The following TNC variants were observed in gnomAD, a reference collection of about 807,000 sequenced individuals.
TNC encodes the protein tenascin C.
In TNC, 109 loss-of-function variants were observed where a neutral mutation model predicts 202.4. That is an observed-to-expected ratio of 0.54 (90% CI 0.46 to 0.63). The LOEUF is 0.63. Among genes scored for constraint, TNC ranks in the 30% least tolerant of loss-of-function variants. The probability of loss-of-function intolerance (pLI) is 0.00; values close to 1 mark genes in which losing one functional copy is unlikely to be tolerated. For synonymous variants in TNC, 1,007 were observed against 1,089.7 expected (o/e 0.92, Z 1.50); for missense variants, 2,756 against 2,833.3 (o/e 0.97, Z 0.62).
chr9:115,073,772 G>A lies in TNC; in HGVS notation c.3045C>T (p.Tyr1015=), dbSNP rs1833636747. 1.2e-6 allele frequency: 2 copies of A among 1,614,188 alleles called. No individual in the cohort carries two copies. Among genetic ancestry groups the A allele is most frequent in the Non-Finnish European group, 8.5e-7 (1 of 1,180,036 alleles). The change falls in exon 10 of 28, where the codon TAC becomes TAT. Residue 1015 remains tyrosine, a synonymous_variant. Coordinates refer to ENST00000350763, the MANE Select transcript of TNC (RefSeq NM_002160.4). The part of the protein sequence containing the change: ...WKTPLAKFDR[Y]RLNYSLPTGQ... ...CTGTGGGGAGACTGTAATTGAGGCG[G>A]TAGCGGTCAAATTTGGCCAACGGTG... is the stretch of plus-strand genomic sequence containing the variant.
chr9:115,062,567 C>T (rs118189035), intron 13 of TNC, among the ~76,000 whole-genome samples: 2,613 of 148,904 alleles, frequency 0.018, 124 homozygotes, highest in East Asian at 0.11. Flanking sequence ...CATGGTCACA[C>T]CATTGCATTC....
At chr9:115,038,422 G>C (rs1237090645) in intron 19 of TNC, 42 bp from the exon 20 acceptor site, 1 of 1,607,574 alleles carries the variant, frequency 6.2e-7, no homozygotes, top group Non-Finnish European at 8.5e-7. Context: ...TCATTGGGTG[G>C]GACATCAGAC....
Position 115,031,571 on chromosome 9 carries a change from G to A in TNC, c.5902C>T (p.Gln1968Ter). 6.2e-7 allele frequency: 1 copy of A among 1,600,894 alleles called. No homozygotes were observed. The highest frequency in any genetic ancestry group is 8.5e-7 in the Non-Finnish European group (1 of 1,174,108). Residue 1968 changes from glutamine (Q) to a stop codon, truncating the protein, a stop_gained, in exon 23 of 28, where the codon CAG becomes TAG. Transcript: ENST00000350763. LOFTEE classifies it high-confidence loss of function. ...LNGPLRSNMI[Q>*]TIFTTIGLLY... ...TCCTTACTTGTGGTGAAGATGGTCTGGATCATATTGCTCCTCAGGGGCCCA... is the reference window on the plus strand; with the variant it reads ...TCCTTACTTGTGGTGAAGATGGTCTAGATCATATTGCTCCTCAGGGGCCCA...
intron 1 of TNC, among the ~76,000 whole-genome samples, chr9:115,097,197 T>C (rs1423674885): frequency 6.6e-6 from 1 of 152,214 alleles, no homozygotes; most frequent in Admixed American, 6.5e-5. Context: ...AGCTGCTCCC[T>C]ATGGCCATTC....
rs1057140819 is a variant in TNC at position 115,062,132 on chromosome 9, C to A, written c.4033+785G>T. 1.6e-4 allele frequency among the ~76,000 whole-genome samples: 25 copies of A among 152,296 alleles called. 4 individuals are homozygous for A. The highest frequency in any genetic ancestry group is 1.6e-3 in the Admixed American group (25 of 15,290). ...CTAACGTTTGTGCTATTTTAAAAAT[C>A]ATGACTCTGTTGCTGTATGATAAAT... On this transcript the variant is annotated intron_variant, in intron 13 of 27. Transcript: ENST00000350763.
intron 20 of TNC, 70 bp downstream of exon 20, chr9:115,038,191 A>T: frequency 6.4e-7 from 1 of 1,556,128 alleles, no homozygotes. Context: ...CAGGGAGAAG[A>T]GCGAATGGGA....
chr9:115,027,554 C>T (rs1829605725), intron 25 of TNC, among the ~76,000 whole-genome samples: 1 of 152,188 alleles, frequency 6.6e-6, no homozygotes, highest in Non-Finnish European at 1.5e-5. Context: ...CACACCACTG[C>T]ATTCCAGCCT....
chr9:115,083,971 C>T (rs1343470564), intron 4 of TNC, among the ~76,000 whole-genome samples: 2 of 152,118 alleles, frequency 1.3e-5, no homozygotes, highest in African/African-American at 4.8e-5. Flanking sequence ...TAAACACTTG[C>T]TAAATGTTAC....
rs1309434928 is a variant in TNC at position 115,064,925 on chromosome 9, T to A, written c.3215-6A>T. 2.1e-5 allele frequency: 34 copies of A among 1,610,792 alleles called. No individual in the cohort carries two copies. Among genetic ancestry groups the A allele is most frequent in the Non-Finnish European group, 2.7e-5 (32 of 1,177,972 alleles). On this transcript the variant is annotated splice_region_variant and splice_polypyrimidine_tract_variant and intron_variant, in intron 10 of 27. Coordinates refer to ENST00000350763, the MANE Select transcript of TNC (RefSeq NM_002160.4). Reference sequence around the variant, plus strand: ...TTCCAGCTCAGGGGCTTGTTCTGAATAATGACAGAGATGGGGTCAGTTAAA... The same window carrying A: ...TTCCAGCTCAGGGGCTTGTTCTGAAAAATGACAGAGATGGGGTCAGTTAAA...
chr9:115,087,698 C>CTTTTTTT (rs752435283), intron 2 of TNC, among the ~76,000 whole-genome samples: 29 of 119,728 alleles, frequency 2.4e-4, no homozygotes, highest in Non-Finnish European at 4.1e-4. Context: ...TCTTTCTTTT[C>CTTTTTTT]TTTTTTTTTT....
intron 1 of TNC, among the ~76,000 whole-genome samples, chr9:115,102,776 G>C (rs1836331547): frequency 1.3e-5 from 2 of 152,326 alleles, no homozygotes; most frequent in South Asian, 2.1e-4. Flanking sequence ...CTCTATGAGG[G>C]CAGGGATATA....
In TNC at chr9:115,080,327, T is replaced by C. The variant is rs556531884; in HGVS notation, c.2404+1445A>G. Among the ~76,000 whole-genome samples, 318 of 152,340 alleles carry C rather than the reference T, an allele frequency of 2.1e-3. 1 individual carries two copies. The highest frequency in any genetic ancestry group is 2.5e-3 in the Non-Finnish European group (169 of 68,036). ...GTCTTTCTGGTGATCTAATGATTTTTTTTTCCTGTTGGTACCTGCTTTTCT... is the reference window on the plus strand; with the variant it reads ...GTCTTTCTGGTGATCTAATGATTTTCTTTTCCTGTTGGTACCTGCTTTTCT... On this transcript the variant is annotated intron_variant, in intron 6 of 27. Transcript: ENST00000350763.
chr9:115,071,135 C>T (rs1024625981), intron 10 of TNC, among the ~76,000 whole-genome samples: 1 of 152,160 alleles, frequency 6.6e-6, no homozygotes, highest in African/African-American at 2.4e-5. Context: ...GAACTTAGCA[C>T]AGAGCATGGT....
At chr9:115,065,127 G>A (rs1832847427) in intron 10 of TNC, among the ~76,000 whole-genome samples, 1 of 152,182 alleles carries the variant, frequency 6.6e-6, no homozygotes, top group Non-Finnish European at 1.5e-5. Flanking sequence ...CGGGCATGGT[G>A]GCTCGAGCCT....
chr9:115,106,609 A>G (rs540111174), intron 1 of TNC, among the ~76,000 whole-genome samples: 43 of 152,174 alleles, frequency 2.8e-4, no homozygotes, highest in Non-Finnish European at 4.4e-4. Flanking sequence ...GCCCCTGGAG[A>G]AAAGCCTGCT....
At chr9:115,103,902 C>A (rs1001964432) in intron 1 of TNC, among the ~76,000 whole-genome samples, 5 of 152,106 alleles carry the variant, frequency 3.3e-5, no homozygotes, top group Non-Finnish European at 7.3e-5. Context: ...TCCATCCAGA[C>A]ACAATAATGA....
At chr9:115,028,232 G>A (rs1207051802) in intron 25 of TNC, among the ~76,000 whole-genome samples, 8 of 151,982 alleles carry the variant, frequency 5.3e-5, no homozygotes, top group Admixed American at 3.3e-4. Flanking sequence ...TCCACTGCAG[G>A]GGCTGTAAGT....
chr9:115,098,328 C>T (rs1835950010), intron 1 of TNC, among the ~76,000 whole-genome samples: 3 of 152,236 alleles, frequency 2.0e-5, no homozygotes, highest in South Asian at 2.1e-4. Context: ...ACACATTAAG[C>T]TGCCTCTTGG....
At chr9:115,034,852 T>C (rs1830200147) in intron 22 of TNC, among the ~76,000 whole-genome samples, 1 of 152,152 alleles carries the variant, frequency 6.6e-6, no homozygotes, top group Non-Finnish European at 1.5e-5. Flanking sequence ...ATATATAATA[T>C]AAAGATACCA....
Sources: allele counts gnomAD v4.1 joint callset (sites outside exome capture counted in the v4.1 genomes callset), GRCh38; gene constraint gnomAD v4.1.1; transcripts MANE v1.5; gene names NCBI Gene and HGNC (gene_info 2026-07-23, HGNC 2026-07-21).